The following PHB2 variants were observed in gnomAD, a reference collection of about 807,000 sequenced individuals.
PHB2 encodes prohibitin-2.
In PHB2, 22 loss-of-function variants were observed where a neutral mutation model predicts 46.4. That is an observed-to-expected ratio of 0.47 (90% CI 0.34 to 0.68). PHB2 has a LOEUF of 0.68. PHB2 is among the 30% of genes least tolerant of loss of function. The probability of loss-of-function intolerance (pLI) is 0.01; values close to 1 mark genes in which losing one functional copy is unlikely to be tolerated. For synonymous variants in PHB2, 156 were observed against 150.5 expected, an observed-to-expected ratio of 1.04 and a Z score of -0.27; for missense variants, 305 against 382.8, an observed-to-expected ratio of 0.80 and a Z score of 1.70.
chr12:6,968,128 G>T, intron 4 of PHB2, 107 bp from the exon 5 acceptor site: 1 of 1,024,798 alleles, frequency 9.8e-7, no homozygotes, highest in Non-Finnish European at 1.4e-6. Flanking sequence ...AACATGCACT[G>T]CCTTAGCTTC....
chr12:6,967,044 G>A lies in PHB2; in HGVS notation c.789+127C>T, dbSNP rs1410163513. The A allele has an allele frequency of 4.9e-6, 4 of 819,632 alleles. No individual in the cohort carries two copies. The highest frequency in any genetic ancestry group is 3.4e-5 in the African/African-American group (2 of 58,898). 50.8% of individuals were successfully genotyped at this position (819,632 alleles called of 1,614,324 possible). ...GATTACATGCGTGAGCCACCGCGCC[G>A]GCCAGAGAAGCCAATCTGAGTAGAA... On this transcript the variant is annotated intron_variant, in intron 7 of 9. Coordinates refer to ENST00000535923, the MANE Select transcript of PHB2 (RefSeq NM_001144831.2). This position sits in a 1 kb window ranked among gnomAD's most constrained non-coding sequence, Gnocchi z 4.9.
At position 6,967,870 on chromosome 12, in the gene PHB2, C is replaced by G; in HGVS notation, c.607+22G>C. 6.2e-7 allele frequency: 1 copy of G among 1,612,910 alleles called. No homozygotes were observed. The highest frequency in any genetic ancestry group is 1.3e-5 in the African/African-American group (1 of 75,052). ...TCCTCCTGCATCTCAGAAGCCCTCA[C>G]CCCACGGCTCTTGCGACTCACCCAC... On this transcript the variant is annotated intron_variant, in intron 5 of 9. Coordinates refer to ENST00000535923, the MANE Select transcript of PHB2 (RefSeq NM_001144831.2). The surrounding 1 kb of genome is among the most constrained non-coding windows in gnomAD (Gnocchi z 4.9).
In PHB2 at chr12:6,967,188, G is replaced by T; in HGVS notation, c.772C>A (p.Gln258Lys). Residue 258 changes from glutamine (Q) to lysine (K), a missense_variant, in exon 7 of 10, where the codon CAG (glutamine) becomes AAG (lysine). Around this residue, in one of 3 missense-constraint regions of PHB2, gnomAD observed 241 missense variants for 302.7 expected, o/e 0.80. Transcript: ENST00000535923. This position sits in a 1 kb window ranked among gnomAD's most constrained non-coding sequence, Gnocchi z 4.9. ...YIKLRKIRAA[Q>K]NISKTIATSQ... ...ACACTCACCGTCTTGGAGATATTCT[G>T]GGCTGCTCGAATCTTGCGAAGTTTG... 6.3e-7 allele frequency: 1 copy of T among 1,585,876 alleles called. No individual in the cohort carries two copies. The highest frequency in any genetic ancestry group is 2.3e-5 in the East Asian group (1 of 43,568).
upstream of PHB2, chr12:6,970,734 A>G: frequency 3.2e-6 from 3 of 928,490 alleles, no homozygotes; most frequent in Non-Finnish European, 4.7e-6. Flanking sequence ...AACTTCGCGC[A>G]CAGGAATCGC....
chr12:6,968,486 C>G lies in PHB2; in HGVS notation c.402G>C (p.Pro134=). 1.2e-6 allele frequency: 2 copies of G among 1,613,158 alleles called. No homozygotes were observed. The highest frequency in any genetic ancestry group is 8.5e-7 in the Non-Finnish European group (1 of 1,179,530). The part of the protein sequence containing the change: ...LGLDYEERVL[P]SIVNEVLKSV... The stretch of plus-strand genomic sequence containing the variant: ...TCTTGAGCACCTCGTTGACAATGGA[C>G]GGCAACACTCGTTCCTCGTAGTCCA... Residue 134 remains proline (P), a synonymous_variant, in exon 4 of 10, where the codon CCG becomes CCC. Coordinates refer to ENST00000535923, the MANE Select transcript of PHB2 (RefSeq NM_001144831.2).
At chr12:6,969,456 A>C (rs1291599260) in intron 3 of PHB2, 42 bp downstream of exon 3, 1 of 1,133,464 alleles carries the variant, frequency 8.8e-7, no homozygotes, top group African/African-American at 1.5e-5. Context: ...AGCTACCTTG[A>C]TCATCCCACC....
chr12:6,970,551 C>T lies in PHB2; in HGVS notation c.-8G>A. ...CTTCAAGTTCTGGGCCATGTCTGAT[C>T]TTGAGGCCGGCGGCACTGGAGGTCA... On this transcript the variant is annotated 5_prime_UTR_variant, in exon 1 of 10. Coordinates refer to ENST00000535923, the MANE Select transcript of PHB2 (RefSeq NM_001144831.2). 6.3e-7 allele frequency: 1 copy of T among 1,589,418 alleles called. No homozygotes were observed. The highest frequency in any genetic ancestry group is 8.5e-7 in the Non-Finnish European group (1 of 1,170,794).
At chr12:6,969,186 C>A (rs1946271357) in intron 3 of PHB2, among the ~76,000 whole-genome samples, 1 of 151,812 alleles carries the variant, frequency 6.6e-6, no homozygotes, top group African/African-American at 2.4e-5. Context: ...GTGGATGTAA[C>A]TGTAGATATA....
intron 4 of PHB2, 67 bp downstream of exon 4, chr12:6,968,344 T>A: frequency 8.3e-7 from 1 of 1,202,748 alleles, no homozygotes; most frequent in Non-Finnish European, 1.2e-6. Flanking sequence ...CTGCCTTTCC[T>A]AATTCCCAAT....
At position 6,966,442 on chromosome 12, in the gene PHB2, T is replaced by C; in HGVS notation, c.848A>G (p.Gln283Arg). Residue 283 changes from glutamine (Q) to arginine (R), a missense_variant, in exon 8 of 10, where the codon CAG (glutamine) becomes CGG (arginine). Transcript: ENST00000535923. ...LTADNLVLNL[Q>R]DESFTRGSDS... ...CTCTCACCTGGTGAAACTTTCATCCTGTAGGTTCAGCACAAGGTTGTCAGC... is the reference window on the plus strand; with the variant it reads ...CTCTCACCTGGTGAAACTTTCATCCCGTAGGTTCAGCACAAGGTTGTCAGC... The C allele has an allele frequency of 6.2e-7, 1 of 1,606,902 alleles. No individual in the cohort carries two copies. Among genetic ancestry groups the C allele is most frequent in the Non-Finnish European group, 8.5e-7 (1 of 1,173,338 alleles).
In PHB2 at chr12:6,968,402, G is replaced by A. The variant is rs782058199; in HGVS notation, c.477+9C>T. 70 of 1,590,692 alleles carry A rather than the reference G, an allele frequency of 4.4e-5. No individual in the cohort carries two copies. The highest frequency in any genetic ancestry group is 5.7e-5 in the Non-Finnish European group (66 of 1,162,778). ...GCTGACACCACGCAGATGGTGGTGG[G>A]AGTCAGACCTGGGCCCGCTGGGTGA... On this transcript the variant is annotated intron_variant, in intron 4 of 9. Coordinates refer to ENST00000535923, the MANE Select transcript of PHB2 (RefSeq NM_001144831.2).
rs1555151089 is a variant in PHB2, at chr12:6,967,666, A to G, written c.711+10T>C. On this transcript the variant is annotated intron_variant, in intron 6 of 9. Coordinates refer to ENST00000535923, the MANE Select transcript of PHB2 (RefSeq NM_001144831.2). This position sits in a 1 kb window ranked among gnomAD's most constrained non-coding sequence, Gnocchi z 4.9. Reference sequence around the variant, plus strand: ...GGGGCTGGGCTGAGATCTCTCCAGCAGAAGGATATCATCTTGGCAGCCTCG... The same window carrying G: ...GGGGCTGGGCTGAGATCTCTCCAGCGGAAGGATATCATCTTGGCAGCCTCG... 6.2e-7 allele frequency: 1 copy of G among 1,605,002 alleles called. No individual in the cohort carries two copies. The highest frequency in any genetic ancestry group is 1.7e-5 in the Admixed American group (1 of 59,926).
At chr12:6,966,681 G>C (rs1191436336) in intron 7 of PHB2, among the ~76,000 whole-genome samples, 181 bp from the exon 8 acceptor site, 6 of 152,196 alleles carry the variant, frequency 3.9e-5, no homozygotes, top group Admixed American at 2.0e-4. Flanking sequence ...GCTATGATTA[G>C]AACAAAAGGT....
intron 3 of PHB2, 168 bp from the exon 4 acceptor site, chr12:6,968,763 G>A (rs1946260371): frequency 3.0e-6 from 2 of 661,006 alleles, no homozygotes; most frequent in Admixed American, 4.2e-5. Flanking sequence ...CAGCACAGCT[G>A]AAATGCACCC....
At chr12:6,970,160 G>A in intron 2 of PHB2, 36 bp downstream of exon 2, 2 of 1,514,834 alleles carry the variant, frequency 1.3e-6, no homozygotes, top group South Asian at 1.1e-5. Flanking sequence ...CGTCAAGGGT[G>A]AAAGGTCAGG....
At chr12:6,970,341 G>A (rs1275335814) in intron 1 of PHB2, 61 bp from the exon 2 acceptor site, 2 of 1,603,582 alleles carry the variant, frequency 1.2e-6, no homozygotes, top group Non-Finnish European at 1.7e-6. Flanking sequence ...CTAGGCCCGT[G>A]GAGGGGCGCG....
rs1555151243 is a variant in PHB2 at position 6,968,294 on chromosome 12, G to C, written c.477+117C>G. On this transcript the variant is annotated intron_variant, in intron 4 of 9. Coordinates refer to ENST00000535923, the MANE Select transcript of PHB2 (RefSeq NM_001144831.2). ...ACAGTGGCAATTAGCACAGCTTTTA[G>C]GTGGAAATGGCACTAGGGTGACAAT... is the stretch of plus-strand genomic sequence containing the variant. The C allele has an allele frequency of 2.7e-5, 21 of 780,038 alleles. No homozygotes were observed. In the East Asian group the frequency reaches 5.1e-4, roughly 19 times the overall value. 48.3% of individuals were successfully genotyped at this position (780,038 alleles called of 1,614,324 possible). A position where few individuals can be genotyped will look rare whatever the true frequency, so the allele number is the denominator to read the frequency against.
intron 7 of PHB2, among the ~76,000 whole-genome samples, chr12:6,966,815 G>C (rs1946217960): frequency 6.6e-6 from 1 of 152,194 alleles, no homozygotes; most frequent in African/African-American, 2.4e-5. Context: ...CATGATCTCA[G>C]CTCACTGCAA....
chr12:6,966,466 G>C lies in PHB2; in HGVS notation c.824C>G (p.Ala275Gly), dbSNP rs1473123013. The change falls in exon 8 of 10, where the codon GCT becomes GGT. Residue 275 changes from alanine (A) to glycine (G), a missense_variant. Ala to Gly is a moderately conservative substitution (Grantham distance 60, BLOSUM62 0). Around this residue, in one of 3 missense-constraint regions of PHB2, gnomAD observed 241 missense variants for 302.7 expected, o/e 0.80. Coordinates refer to ENST00000535923, the MANE Select transcript of PHB2 (RefSeq NM_001144831.2). ...CTGTAGGTTCAGCACAAGGTTGTCAGCTGTGAGATAGATACGATTCTGTGA... is the reference window on the plus strand; with the variant it reads ...CTGTAGGTTCAGCACAAGGTTGTCACCTGTGAGATAGATACGATTCTGTGA... ...ATSQNRIYLT[A>G]DNLVLNLQDE... 2 of 1,610,912 alleles carry C rather than the reference G, an allele frequency of 1.2e-6. No homozygotes were observed. The highest frequency in any genetic ancestry group is 1.7e-6 in the Non-Finnish European group (2 of 1,177,086).
Sources: allele counts gnomAD v4.1 joint callset (sites outside exome capture counted in the v4.1 genomes callset), GRCh38; gene constraint gnomAD v4.1.1; regional missense constraint gnomAD v4.1.1; non-coding constraint Gnocchi (gnomAD v3.1); transcripts MANE v1.5; gene names NCBI Gene and HGNC (gene_info 2026-07-23, HGNC 2026-07-21).